The following POTEJ variants were observed in gnomAD, a reference collection of about 807,000 sequenced individuals.
The protein encoded by POTEJ is POTE ankyrin domain family, member J.
POTEJ carries 11 observed loss-of-function variants against 69.0 expected under a neutral mutation model. The observed-to-expected ratio is 0.16, with a 90% CI of 0.10 to 0.26. The LOEUF (loss-of-function observed/expected upper bound fraction) is 0.26. POTEJ is among the 10% of genes least tolerant of loss of function. The probability of loss-of-function intolerance (pLI) is 1.00; values close to 1 mark genes in which losing one functional copy is unlikely to be tolerated. For synonymous variants in POTEJ, 117 were observed against 381.1 expected, an observed-to-expected ratio of 0.31 and a Z score of 8.07; for missense variants, 327 against 1,045.5, an observed-to-expected ratio of 0.31 and a Z score of 9.48.
At chr2:130,614,262 A>G (rs1376685359) in intron 1 of POTEJ, among the ~76,000 whole-genome samples, 2 of 152,264 alleles carry the variant, frequency 1.3e-5, no homozygotes, top group East Asian at 3.8e-4. Context: ...TTAAAGTTTA[A>G]GTTGCTGCAG....
chr2:130,624,774 C>A (rs1425731026), intron 6 of POTEJ, among the ~76,000 whole-genome samples: 2 of 152,066 alleles, frequency 1.3e-5, no homozygotes, highest in African/African-American at 4.8e-5. Flanking sequence ...AGTCATGTTA[C>A]ATATGCTTGT....
intron 6 of POTEJ, among the ~76,000 whole-genome samples, chr2:130,624,705 A>G (rs1207219994): frequency 1.3e-4 from 19 of 151,686 alleles, no homozygotes; most frequent in Non-Finnish European, 2.2e-4. Context: ...GCGTGGTCCT[A>G]CCATAGATAA....
intron 9 of POTEJ, among the ~76,000 whole-genome samples, chr2:130,638,088 G>A (rs1224532920): frequency 6.7e-6 from 1 of 149,120 alleles, no homozygotes; most frequent in Non-Finnish European, 1.5e-5. Flanking sequence ...TTGCATATTA[G>A]AACCTATGAA....
At chr2:130,631,819 G>A (rs1334181514) in intron 8 of POTEJ, among the ~76,000 whole-genome samples, 2 of 142,750 alleles carry the variant, frequency 1.4e-5, no homozygotes, top group Non-Finnish European at 3.0e-5. Flanking sequence ...ATAATTGTAT[G>A]GCTATTCAAT....
At position 130,632,764 on chromosome 2, in the gene POTEJ, C is replaced by G; in HGVS notation, c.1298+108C>G. ...AATTTTATAGTTTTACTAGGATATT[C>G]AGCCTTGCCCATTAATCAGAAAAAT... On this transcript the variant is annotated intron_variant, in intron 9 of 14. Transcript: ENST00000409602. 2 of 1,307,318 alleles carry G rather than the reference C, an allele frequency of 1.5e-6. 1 individual carries two copies. Among genetic ancestry groups the G allele is most frequent in the Non-Finnish European group, 2.1e-6 (2 of 945,556 alleles). 81.0% of individuals were successfully genotyped at this position (1,307,318 alleles called of 1,614,324 possible). A position where few individuals can be genotyped will look rare whatever the true frequency, so the allele number is the denominator to read the frequency against.
intron 9 of POTEJ, among the ~76,000 whole-genome samples, chr2:130,634,401 A>G (rs1247011440): frequency 7.0e-6 from 1 of 141,918 alleles, no homozygotes; most frequent in Admixed American, 7.2e-5. Flanking sequence ...AATAGAACCC[A>G]GTATTTTGCT....
chr2:130,650,309 C>G (rs1425297395), intron 13 of POTEJ, among the ~76,000 whole-genome samples: 2 of 152,272 alleles, frequency 1.3e-5, no homozygotes, highest in Non-Finnish European at 2.9e-5. Context: ...TTCCCACCAC[C>G]CTTCCCATCA....
chr2:130,629,343 G>A (rs1428769034), intron 6 of POTEJ, among the ~76,000 whole-genome samples: 1 of 149,734 alleles, frequency 6.7e-6, no homozygotes, highest in Non-Finnish European at 1.5e-5. Context: ...TGCAACCTCA[G>A]CGTAGCTTAT....
At chr2:130,655,489 C>T (rs577850144) in intron 14 of POTEJ, among the ~76,000 whole-genome samples, 1 of 152,258 alleles carries the variant, frequency 6.6e-6, no homozygotes, top group Non-Finnish European at 1.5e-5. Flanking sequence ...CAGAGAGGAA[C>T]AGTTTGCTCC....
chr2:130,643,241 G>C (rs1434267715), intron 10 of POTEJ, among the ~76,000 whole-genome samples: 1 of 144,318 alleles, frequency 6.9e-6, no homozygotes, highest in Non-Finnish European at 1.5e-5. Context: ...TGTTTCAAAA[G>C]ATGAAAATAA....
chr2:130,624,025 T>C lies in POTEJ; in HGVS notation c.945-39T>C, dbSNP rs186746317. The C allele has an allele frequency of 2.1e-5, 31 of 1,479,706 alleles. 2 individuals are homozygous for C. In the East Asian group the frequency reaches 6.1e-4, roughly 29 times the overall value. 91.7% of individuals were successfully genotyped at this position (1,479,706 alleles called of 1,614,324 possible). On this transcript the variant is annotated intron_variant, in intron 5 of 14. Transcript: ENST00000409602. ...ATTTGGTAAGATTTTTATATCAGTA[T>C]TAAAATAGTAATTTGGTTTATTACA...
chr2:130,621,005 C>CTGAATA (rs1685529427), intron 4 of POTEJ, among the ~76,000 whole-genome samples: 2 of 121,982 alleles, frequency 1.6e-5, no homozygotes. Flanking sequence ...GTGCCTAGCA[C>CTGAATA]ATGGTTATTG....
intron 6 of POTEJ, among the ~76,000 whole-genome samples, chr2:130,627,250 G>A (rs1370920137): frequency 9.3e-5 from 14 of 151,260 alleles, no homozygotes; most frequent in African/African-American, 9.8e-5. Flanking sequence ...TTTATAACTC[G>A]CATCCTACTA....
chr2:130,629,018 C>CAA (rs1192762341), intron 6 of POTEJ, among the ~76,000 whole-genome samples: 1 of 124,544 alleles, frequency 8.0e-6, no homozygotes, highest in East Asian at 2.2e-4. Context: ...GACCCTGGCT[C>CAA]AAAAAAAAAA....
chr2:130,622,594 A>G (rs1479719551), intron 5 of POTEJ, among the ~76,000 whole-genome samples: 1 of 137,824 alleles, frequency 7.3e-6, no homozygotes, highest in Non-Finnish European at 1.6e-5. Flanking sequence ...AAAGTCCCAT[A>G]TGAACCTTCC....
intron 10 of POTEJ, among the ~76,000 whole-genome samples, chr2:130,643,670 A>G (rs983739261): frequency 7.4e-6 from 1 of 135,018 alleles, no homozygotes; most frequent in African/African-American, 2.7e-5. Context: ...AGAACAGTAC[A>G]CTGTGTCACC....
At chr2:130,642,756 C>G (rs1314746662) in intron 10 of POTEJ, among the ~76,000 whole-genome samples, 299 of 151,498 alleles carry the variant, frequency 2.0e-3, no homozygotes, top group African/African-American at 7.0e-3. Context: ...CATTACTGAG[C>G]TGCTGGCAAT....
At chr2:130,629,230 G>A (rs1331325723) in intron 6 of POTEJ, among the ~76,000 whole-genome samples, 2 of 146,932 alleles carry the variant, frequency 1.4e-5, no homozygotes, top group African/African-American at 5.2e-5. Context: ...CAGCTCAGCG[G>A]ATTTGCATCC....
intron 9 of POTEJ, among the ~76,000 whole-genome samples, chr2:130,637,173 A>T (rs1278954303): frequency 1.3e-5 from 2 of 150,624 alleles, no homozygotes; most frequent in Non-Finnish European, 3.0e-5. Flanking sequence ...TCTTTATAAT[A>T]AGCTACATTG....
Sources: allele counts gnomAD v4.1 joint callset (sites outside exome capture counted in the v4.1 genomes callset), GRCh38; gene constraint gnomAD v4.1.1; transcripts MANE v1.5; gene names NCBI Gene and HGNC (gene_info 2026-07-23, HGNC 2026-07-21).